The following CRY1 variants were observed in gnomAD, a reference collection of about 807,000 sequenced individuals.
CRY1 encodes the protein cryptochrome circadian regulator 1, also known as cryptochrome-1.
In CRY1, 45 loss-of-function variants were observed where a neutral mutation model predicts 76.0. The ratio of observed to expected loss-of-function variants is 0.59; its 90% CI spans 0.47 to 0.76. CRY1 has a LOEUF of 0.76. CRY1 is among the 30% of genes least tolerant of loss of function. The pLI is 0.00. For missense variants in CRY1, 587 were observed against 716.4 expected (o/e 0.82, Z 2.06); for synonymous variants, 248 against 244.0 (o/e 1.02, Z -0.15).
chr12:107,050,730 T>C lies in CRY1; in HGVS notation c.159-28538A>G, dbSNP rs558096932. Among the ~76,000 whole-genome samples the C allele has an allele frequency of 5.1e-4, 78 of 152,328 alleles. No homozygotes were observed. The South Asian group carries it at 8.5e-3, about 17-fold the overall frequency. ...AAATAACACAAAAAGGAAGAAAGGC[T>C]GACAGAAAGGACAGACCTTTGTAAG... On this transcript the variant is annotated intron_variant, in intron 1 of 12. Coordinates refer to ENST00000008527, the MANE Select transcript of CRY1 (RefSeq NM_004075.5).
intron 1 of CRY1, among the ~76,000 whole-genome samples, chr12:107,068,361 G>C (rs888389607): frequency 6.6e-6 from 1 of 152,116 alleles, no homozygotes; most frequent in African/African-American, 2.4e-5. Flanking sequence ...GCAGTGCCAT[G>C]ATCTTGGCTA....
At chr12:107,070,956 G>GA (rs1565843287) in intron 1 of CRY1, among the ~76,000 whole-genome samples, 1 of 150,842 alleles carries the variant, frequency 6.6e-6, no homozygotes, top group African/African-American at 2.4e-5. Flanking sequence ...CCCCTGCCTC[G>GA]GCCTCCCAAA....
chr12:107,026,994 C>T (rs1054031876), intron 1 of CRY1, among the ~76,000 whole-genome samples: 4 of 152,086 alleles, frequency 2.6e-5, no homozygotes, highest in East Asian at 3.8e-4. Flanking sequence ...CAAGGTACAA[C>T]GCAATTAAGA....
At chr12:107,013,861 T>C (rs372728401) in intron 2 of CRY1, among the ~76,000 whole-genome samples, 2 of 152,338 alleles carry the variant, frequency 1.3e-5, no homozygotes, top group East Asian at 3.9e-4. Context: ...ATATTTTAGA[T>C]ATACTGTGTT....
Position 107,001,284 on chromosome 12 carries a change from C to T in CRY1, c.680G>A (p.Arg227Lys), listed in dbSNP as rs1417804049. 1 of 1,611,818 alleles carries T rather than the reference C, an allele frequency of 6.2e-7. No homozygotes were observed. The highest frequency in any genetic ancestry group is 1.3e-5 in the African/African-American group (1 of 74,862). ...ALTRLERHLE[R>K]KAWVANFERP... ...ATATAATCTACATTATCATACTTTT[C>T]TTTCCAAATGCCTTTCCAAACGAGT... is the stretch of plus-strand genomic sequence containing the variant. The change falls in exon 5 of 13, where the codon AGA (arginine) becomes AAA (lysine). Residue 227 changes from arginine to lysine, a missense_variant. Physicochemically the swap from Arg to Lys is conservative, Grantham distance 26. Transcript: ENST00000008527.
At chr12:107,037,301 G>A (rs866541151) in intron 1 of CRY1, among the ~76,000 whole-genome samples, 1 of 152,178 alleles carries the variant, frequency 6.6e-6, no homozygotes, top group Admixed American at 6.5e-5. Flanking sequence ...GGGGGCCAAG[G>A]CAGGTGGATC....
At chr12:107,037,843 G>A (rs1486267385) in intron 1 of CRY1, among the ~76,000 whole-genome samples, 1 of 152,018 alleles carries the variant, frequency 6.6e-6, no homozygotes, top group African/African-American at 2.4e-5. Context: ...CAAGTAGCTG[G>A]GACTACAGGC....
intron 1 of CRY1, among the ~76,000 whole-genome samples, chr12:107,051,140 C>T (rs570238260): frequency 6.6e-6 from 1 of 152,232 alleles, no homozygotes; most frequent in South Asian, 2.1e-4. Flanking sequence ...TGCGTTTACA[C>T]ATTTGAAAAT....
At chr12:107,072,127 GT>G (rs1953197496) in intron 1 of CRY1, among the ~76,000 whole-genome samples, 1 of 152,044 alleles carries the variant, frequency 6.6e-6, no homozygotes, top group South Asian at 2.1e-4. Context: ...ATTCTCTCTT[GT>G]TTGTTCCTTT....
In CRY1 at chr12:106,999,563, T is replaced by C. The variant is rs1308599909; in HGVS notation, c.1125A>G (p.Glu375=). The change falls in exon 7 of 13, where the codon GAA becomes GAG. Residue 375 remains glutamate, a synonymous_variant. Transcript: ENST00000008527. ...LTRGDLWISW[E]EGMKVFEELL... ...TTAGAACACTTACCTTCATTCCTTCTTCCCAACTAATCCACAGGTCCCCTC... is the reference window on the plus strand; with the variant it reads ...TTAGAACACTTACCTTCATTCCTTCCTCCCAACTAATCCACAGGTCCCCTC... 2 of 1,612,248 alleles carry C rather than the reference T, an allele frequency of 1.2e-6. No individual in the cohort carries two copies. The highest frequency in any genetic ancestry group is 1.7e-5 in the Admixed American group (1 of 59,716).
At chr12:107,085,626 C>G (rs1446320327) in intron 1 of CRY1, among the ~76,000 whole-genome samples, 4 of 151,908 alleles carry the variant, frequency 2.6e-5, no homozygotes, top group Admixed American at 2.0e-4. Context: ...CACATGGACA[C>G]GGGGAGGGGA....
intron 1 of CRY1, among the ~76,000 whole-genome samples, chr12:107,029,707 T>C (rs1277663657): frequency 1.3e-5 from 2 of 152,144 alleles, no homozygotes; most frequent in Non-Finnish European, 2.9e-5. Context: ...ATTACTTCTA[T>C]AATTTCAATC....
chr12:107,030,519 TGAGGAA>T, intron 1 of CRY1, among the ~76,000 whole-genome samples: 1 of 152,278 alleles, frequency 6.6e-6, no homozygotes, highest in Admixed American at 6.5e-5. Flanking sequence ...GTCCTCAAGC[TGAGGAA>T]TAGGCGTGTG....
In CRY1 at chr12:107,005,230, G is replaced by C. The variant is rs566787463; in HGVS notation, c.286C>G (p.Leu96Val). ...GGCTCAGAATCATACTCAATTGAAA[G>C]TTTAGTAATGTTCCATTCCTAAAGT... Reference protein sequence around the residue: ...RLFKEWNITKLSIEYDSEPFG... With the variant: ...RLFKEWNITKVSIEYDSEPFG... Residue 96 changes from leucine to valine, a missense_variant, in exon 3 of 13, where the codon CTT (leucine) becomes GTT (valine). Physicochemically the swap from Leu to Val is conservative, Grantham distance 32. Coordinates refer to ENST00000008527, the MANE Select transcript of CRY1 (RefSeq NM_004075.5). The C allele has an allele frequency of 6.2e-7, 1 of 1,612,572 alleles. No homozygotes were observed. The highest frequency in any genetic ancestry group is 1.1e-5 in the South Asian group (1 of 90,912).
chr12:107,069,620 T>TATATATAAAGTAC (rs1565842780), intron 1 of CRY1, among the ~76,000 whole-genome samples: 2 of 89,940 alleles, frequency 2.2e-5, no homozygotes, highest in African/African-American at 1.1e-4. Context: ...ATAAAAAGTA[T>TATATATAAAGTAC]ATATATATAA....
chr12:107,040,846 A>C (rs1202875484), intron 1 of CRY1, among the ~76,000 whole-genome samples: 1 of 151,960 alleles, frequency 6.6e-6, no homozygotes, highest in Non-Finnish European at 1.5e-5. Context: ...TCTCAAATAT[A>C]TTGCATATAC....
chr12:107,090,615 T>C (rs1222463271), intron 1 of CRY1, among the ~76,000 whole-genome samples: 1 of 152,180 alleles, frequency 6.6e-6, no homozygotes, highest in African/African-American at 2.4e-5. Flanking sequence ...GGGTGAGAAT[T>C]GGGGGCTGTT....
At chr12:107,022,634 A>G (rs1480718053) in intron 1 of CRY1, among the ~76,000 whole-genome samples, 6 of 151,938 alleles carry the variant, frequency 3.9e-5, no homozygotes, top group Admixed American at 3.9e-4. Context: ...TAAGCAAGTG[A>G]ATAATTTAAG....
At chr12:107,084,670 C>T (rs1474284080) in intron 1 of CRY1, among the ~76,000 whole-genome samples, 3 of 152,160 alleles carry the variant, frequency 2.0e-5, no homozygotes, top group Non-Finnish European at 4.4e-5. Context: ...CAAAAATTCA[C>T]TCAAGACGAA....
Sources: allele counts gnomAD v4.1 joint callset (sites outside exome capture counted in the v4.1 genomes callset), GRCh38; gene constraint gnomAD v4.1.1; transcripts MANE v1.5; gene names NCBI Gene and HGNC (gene_info 2026-07-23, HGNC 2026-07-21).